The following PCDHA4 variants were observed in gnomAD, a reference collection of about 807,000 sequenced individuals.
The protein encoded by PCDHA4 is protocadherin alpha-4.
A neutral mutation model predicts 61.4 loss-of-function variants in PCDHA4; 49 were observed. The ratio of observed to expected loss-of-function variants is 0.80; its 90% CI spans 0.63 to 1.01. The LOEUF is 1.01. PCDHA4 is among the 50% of genes least tolerant of loss of function. The pLI is 0.00. For missense variants in PCDHA4, 1,254 were observed against 1,235.8 expected (o/e 1.01, Z -0.22); for synonymous variants, 590 against 550.3 (o/e 1.07, Z -1.01).
chr5:140,888,754 CT>C (rs782694187), intron 1 of PCDHA4, among the ~76,000 whole-genome samples: 16 of 148,604 alleles, frequency 1.1e-4, no homozygotes, highest in East Asian at 2.0e-4. Flanking sequence ...ATTCTACCCA[CT>C]TTTTTTTTTA....
chr5:140,820,961 T>A (rs1033413867), intron 1 of PCDHA4, among the ~76,000 whole-genome samples: 6 of 152,032 alleles, frequency 3.9e-5, no homozygotes, highest in Non-Finnish European at 7.4e-5. Context: ...AGTTTTTGAG[T>A]CAATACAAAA....
intron 1 of PCDHA4, among the ~76,000 whole-genome samples, chr5:140,911,590 C>A (rs778543832): frequency 3.3e-5 from 5 of 152,156 alleles, no homozygotes; most frequent in Non-Finnish European, 4.4e-5. Context: ...TAGGAGGAAC[C>A]AACCAACTTC....
chr5:140,961,434 A>G (rs2095611315), intron 1 of PCDHA4, among the ~76,000 whole-genome samples: 1 of 152,174 alleles, frequency 6.6e-6, no homozygotes, highest in African/African-American at 2.4e-5. Context: ...TTACAAAATC[A>G]CCTAACTACA....
At chr5:140,946,875 G>C (rs1283632599) in intron 1 of PCDHA4, among the ~76,000 whole-genome samples, 2 of 151,288 alleles carry the variant, frequency 1.3e-5, no homozygotes, top group Non-Finnish European at 3.0e-5. Context: ...TGGTCAATGG[G>C]TACGAAGTTA....
chr5:140,943,090 C>G (rs554425182), intron 1 of PCDHA4, among the ~76,000 whole-genome samples: 3 of 151,542 alleles, frequency 2.0e-5, no homozygotes, highest in African/African-American at 7.3e-5. Context: ...AATCCTGCCT[C>G]TACTAAAAAA....
intron 1 of PCDHA4, chr5:140,929,505 C>A: frequency 1.2e-6 from 1 of 840,606 alleles, no homozygotes; most frequent in Non-Finnish European, 1.7e-6. Flanking sequence ...TGCCCTAGGC[C>A]TCAAGGGACT....
At chr5:140,942,913 G>T (rs1467978300) in intron 1 of PCDHA4, among the ~76,000 whole-genome samples, 1 of 148,868 alleles carries the variant, frequency 6.7e-6, no homozygotes, top group South Asian at 2.1e-4. Flanking sequence ...TAAGCGTGAA[G>T]AAAAAAAAAA....
intron 1 of PCDHA4, among the ~76,000 whole-genome samples, chr5:140,897,595 A>C (rs2066215346): frequency 6.6e-6 from 1 of 152,132 alleles, no homozygotes; most frequent in Admixed American, 6.5e-5. Context: ...TCATTGTTGG[A>C]CATTTGGGTT....
At position 140,869,188 on chromosome 5, in the gene PCDHA4, G is replaced by T. The variant is rs200563745; in HGVS notation, c.2385+59616G>T. 364 of 1,613,946 alleles carry T rather than the reference G, an allele frequency of 2.3e-4. 4 individuals carry two copies. In the Admixed American group the frequency reaches 5.9e-3, roughly 26 times the overall value. On this transcript the variant is annotated intron_variant, in intron 1 of 3. Coordinates refer to ENST00000530339, the MANE Select transcript of PCDHA4 (RefSeq NM_018907.4). ...CCTCGAATTCTGGGAGGTGGGGAGC[G>T]GCCAGCTCCACTACTCCGTCTCGGA...
chr5:141,010,293 G>T lies in PCDHA4; in HGVS notation c.*356G>T. 6.5e-7 allele frequency: 1 copy of T among 1,549,794 alleles called. No homozygotes were observed. Among genetic ancestry groups the T allele is most frequent in the Non-Finnish European group, 8.7e-7 (1 of 1,146,454 alleles). On this transcript the variant is annotated 3_prime_UTR_variant, in exon 4 of 4. Coordinates refer to ENST00000530339, the MANE Select transcript of PCDHA4 (RefSeq NM_018907.4). ...ATCCTGTCTTGATGACACTTGCAGG[G>T]CAGGCTGAAAAGTTTTGAGATTGAG...
At chr5:140,926,972 C>A (rs782504064) in intron 1 of PCDHA4, 2 of 1,609,464 alleles carry the variant, frequency 1.2e-6, no homozygotes. Flanking sequence ...TACTCAGTGC[C>A]GGAGGAGACG....
chr5:140,908,351 AACTT>A (rs1422870011), intron 1 of PCDHA4, among the ~76,000 whole-genome samples: 5 of 152,154 alleles, frequency 3.3e-5, no homozygotes, highest in African/African-American at 1.2e-4. Context: ...TACCTCATGT[AACTT>A]ACTTGTGCCT....
intron 1 of PCDHA4, among the ~76,000 whole-genome samples, chr5:140,904,937 A>C (rs2071485651): frequency 6.6e-6 from 1 of 152,190 alleles, no homozygotes; most frequent in Non-Finnish European, 1.5e-5. Flanking sequence ...GGTTCTGGAT[A>C]TTAGTCCTTT....
intron 1 of PCDHA4, among the ~76,000 whole-genome samples, chr5:140,962,883 T>C (rs570394633): frequency 5.6e-4 from 86 of 152,222 alleles, no homozygotes; most frequent in Non-Finnish European, 1.0e-3. Flanking sequence ...ATACATGAAT[T>C]AAAAAATGAA....
rs782025005 is a variant in PCDHA4 at position 140,982,513 on chromosome 5, G to C, written c.2483G>C (p.Gly828Ala). 83 of 1,614,076 alleles carry C rather than the reference G, an allele frequency of 5.1e-5. No homozygotes were observed. The highest frequency in any genetic ancestry group is 6.4e-5 in the Non-Finnish European group (75 of 1,180,040). ...GAGGAGGCTGGCATTCTACGGGCTG[G>C]TCCAGGAGGGCCTGATCAGCAGTGG... The part of the protein sequence containing the change: ...HLEEAGILRA[G>A]PGGPDQQWPT... The change falls in exon 3 of 4, where the codon GGT becomes GCT. Residue 828 changes from glycine (G) to alanine (A), a missense_variant. Transcript: ENST00000530339.
intron 3 of PCDHA4, among the ~76,000 whole-genome samples, chr5:140,989,535 GTT>G (rs2097346543): frequency 6.6e-6 from 1 of 152,178 alleles, no homozygotes; most frequent in Non-Finnish European, 1.5e-5. Context: ...GAGGAAGATA[GTT>G]TGTAATTCCT....
At chr5:140,857,325 C>G (rs200630375) in intron 1 of PCDHA4, 2 of 1,598,630 alleles carry the variant, frequency 1.3e-6, no homozygotes, top group African/African-American at 1.3e-5. Flanking sequence ...GTGGTGACCG[C>G]GCGGGACGGG....
chr5:140,960,331 A>G (rs1157705398), intron 1 of PCDHA4, among the ~76,000 whole-genome samples: 1 of 152,230 alleles, frequency 6.6e-6, no homozygotes, highest in African/African-American at 2.4e-5. Flanking sequence ...TGTGAGAAGT[A>G]CATGAGGTGA....
Position 140,807,592 on chromosome 5 carries a change from A to C in PCDHA4, c.405A>C (p.Ala135=), listed in dbSNP as rs551466956. The part of the protein sequence containing the change: ...DINDNPPVFP[A]TQKNLSIAES... ...ACGATAACCCGCCGGTGTTCCCAGCAACACAAAAGAACCTGTCCATCGCGG... is the reference window on the plus strand; with the variant it reads ...ACGATAACCCGCCGGTGTTCCCAGCCACACAAAAGAACCTGTCCATCGCGG... Residue 135 remains alanine, a synonymous_variant, in exon 1 of 4, where the codon GCA becomes GCC. Transcript: ENST00000530339. The C allele has an allele frequency of 1.2e-6, 2 of 1,613,950 alleles. No homozygotes were observed. Among genetic ancestry groups the C allele is most frequent in the Admixed American group, 1.7e-5 (1 of 59,996 alleles).
Sources: gnomAD v4.1 joint callset for allele counts (sites outside exome capture counted in the v4.1 genomes callset) on GRCh38, gnomAD v4.1.1 for gene constraint, MANE v1.5 for transcripts, NCBI Gene and HGNC (gene_info 2026-07-23, HGNC 2026-07-21) for gene names.